The following SLIT3 variants were observed in gnomAD, a reference collection of about 807,000 sequenced individuals.
The protein encoded by SLIT3 is slit guidance ligand 3.
SLIT3 carries 68 observed loss-of-function variants against 184.0 expected under a neutral mutation model. The observed-to-expected ratio is 0.37, with a 90% CI of 0.30 to 0.45. The LOEUF is 0.45. Ranked by LOEUF, SLIT3 falls within the 20% of genes least tolerant of loss-of-function variation. The probability of loss-of-function intolerance (pLI) is 1.00; values close to 1 mark genes in which losing one functional copy is unlikely to be tolerated. For missense variants in SLIT3, 1,707 were observed against 2,026.0 expected, an observed-to-expected ratio of 0.84 and a Z score of 3.02; for synonymous variants, 831 against 828.6, an observed-to-expected ratio of 1.00 and a Z score of -0.05.
At position 169,001,246 on chromosome 5, in the gene SLIT3, C is replaced by T. The variant is rs374474816; in HGVS notation, c.414-117910G>A. Among the ~76,000 whole-genome samples the T allele has an allele frequency of 8.5e-5, 13 of 152,242 alleles. No homozygotes were observed. The East Asian group carries it at 1.5e-3, about 18-fold the overall frequency. On this transcript the variant is annotated intron_variant, in intron 4 of 35. Transcript: ENST00000519560. ...TCACTTCCAGCTCATCGCCACTGTC[C>T]GTATTTTGAACCTGTCTTGTCTGCC...
chr5:169,293,386 G>C (rs1767412609), intron 1 of SLIT3, among the ~76,000 whole-genome samples: 1 of 152,014 alleles, frequency 6.6e-6, no homozygotes, highest in Non-Finnish European at 1.5e-5. Context: ...CATGCTGATG[G>C]AAGACCAACC....
At chr5:169,241,312 C>T (rs537680346) in intron 3 of SLIT3, among the ~76,000 whole-genome samples, 1 of 152,290 alleles carries the variant, frequency 6.6e-6, no homozygotes, top group African/African-American at 2.4e-5. Context: ...ATTCTAACTT[C>T]ACAGTATTCT....
At chr5:169,010,220 A>G (rs947659156) in intron 4 of SLIT3, among the ~76,000 whole-genome samples, 20 of 152,224 alleles carry the variant, frequency 1.3e-4, no homozygotes, top group African/African-American at 4.6e-4. Flanking sequence ...GCAACTTCTC[A>G]GGTACCCAGT....
intron 4 of SLIT3, among the ~76,000 whole-genome samples, chr5:168,993,686 A>C (rs532622029): frequency 6.6e-6 from 1 of 151,564 alleles, no homozygotes; most frequent in South Asian, 2.1e-4. Flanking sequence ...AAAAAAAAAA[A>C]CTCCTGACTA....
chr5:168,964,910 G>A (rs1275245310), intron 4 of SLIT3, among the ~76,000 whole-genome samples: 1 of 152,214 alleles, frequency 6.6e-6, no homozygotes, highest in African/African-American at 2.4e-5. Flanking sequence ...CTAAAAGATA[G>A]TAGGTATGGT....
At chr5:168,713,941 C>T (rs1269334036) in intron 23 of SLIT3, among the ~76,000 whole-genome samples, 1 of 152,182 alleles carries the variant, frequency 6.6e-6, no homozygotes, top group African/African-American at 2.4e-5. Flanking sequence ...GCCCTTATTT[C>T]TCTCCTCTTC....
chr5:169,152,067 G>T (rs4867726), intron 4 of SLIT3, among the ~76,000 whole-genome samples: 31,212 of 152,104 alleles, frequency 0.21, 3,669 homozygotes, highest in South Asian at 0.32. Context: ...TTGTTATTAT[G>T]GCTGAAAGGT....
At position 168,813,217 on chromosome 5, in the gene SLIT3, T is replaced by A. The variant is rs117424446; in HGVS notation, c.793+4083A>T. Among the ~76,000 whole-genome samples, 5 of 151,894 alleles carry A rather than the reference T, an allele frequency of 3.3e-5. No homozygotes were observed. In the East Asian group the frequency reaches 9.7e-4, roughly 29 times the overall value. Reference sequence around the variant, plus strand: ...ATAACCTTGAATTACAAATTGCGACTGGTAGAAACCCTTCCAGATTAAGGT... The same window carrying A: ...ATAACCTTGAATTACAAATTGCGACAGGTAGAAACCCTTCCAGATTAAGGT... On this transcript the variant is annotated intron_variant, in intron 8 of 35. Transcript: ENST00000519560.
At chr5:169,089,359 A>C (rs1281753559) in intron 4 of SLIT3, among the ~76,000 whole-genome samples, 1 of 152,116 alleles carries the variant, frequency 6.6e-6, no homozygotes, top group Non-Finnish European at 1.5e-5. Context: ...CTTCTACTTC[A>C]CCACGTGCTA....
chr5:169,041,886 A>T (rs1378927178), intron 4 of SLIT3, among the ~76,000 whole-genome samples: 1 of 152,244 alleles, frequency 6.6e-6, no homozygotes, highest in Non-Finnish European at 1.5e-5. Flanking sequence ...AGTTCCTCTT[A>T]GGAACCCAAG....
intron 4 of SLIT3, among the ~76,000 whole-genome samples, chr5:168,974,517 C>T (rs1198966992): frequency 1.3e-5 from 2 of 152,168 alleles, no homozygotes; most frequent in African/African-American, 2.4e-5. Context: ...TTTGACTGCA[C>T]AGATTTTCAT....
chr5:168,768,891 G>C (rs75915349), intron 14 of SLIT3, among the ~76,000 whole-genome samples: 1 of 152,188 alleles, frequency 6.6e-6, no homozygotes, highest in Non-Finnish European at 1.5e-5. Flanking sequence ...AGGAGCAGTG[G>C]GGTGTCAAAA....
chr5:169,193,983 C>T (rs555527361), intron 3 of SLIT3, among the ~76,000 whole-genome samples: 11 of 152,092 alleles, frequency 7.2e-5, no homozygotes, highest in African/African-American at 2.2e-4. Flanking sequence ...CCTGTAATCC[C>T]AGTACTTTGA....
intron 4 of SLIT3, among the ~76,000 whole-genome samples, chr5:169,129,292 C>T (rs1175210916): frequency 6.6e-6 from 1 of 152,158 alleles, no homozygotes; most frequent in Non-Finnish European, 1.5e-5. Flanking sequence ...TGGCTCATGC[C>T]TGTAATCCCA....
chr5:169,005,693 G>T (rs1400967123), intron 4 of SLIT3, among the ~76,000 whole-genome samples: 1 of 152,092 alleles, frequency 6.6e-6, no homozygotes, highest in Non-Finnish European at 1.5e-5. Flanking sequence ...TCATTCATTC[G>T]ACAAATATTT....
intron 5 of SLIT3, among the ~76,000 whole-genome samples, chr5:168,874,726 G>T (rs578203664): frequency 6.6e-6 from 1 of 152,326 alleles, no homozygotes; most frequent in South Asian, 2.1e-4. Flanking sequence ...CTTGCTTTTA[G>T]ATAATACTGT....
chr5:169,199,453 G>A (rs149887178), intron 3 of SLIT3, among the ~76,000 whole-genome samples: 19 of 152,242 alleles, frequency 1.2e-4, no homozygotes, highest in African/African-American at 4.6e-4. Flanking sequence ...AACACTGTGC[G>A]GAAGGTGGTG....
chr5:169,134,687 C>T (rs1266334261), intron 4 of SLIT3, among the ~76,000 whole-genome samples: 2 of 152,160 alleles, frequency 1.3e-5, no homozygotes, highest in Admixed American at 6.5e-5. Flanking sequence ...CAACATGGCA[C>T]ATGTATACCC....
Position 169,258,171 on chromosome 5 carries a change from C to T in SLIT3, c.198-6712G>A, listed in dbSNP as rs556611036. 3.4e-4 allele frequency among the ~76,000 whole-genome samples: 51 copies of T among 152,238 alleles called. No homozygotes were observed. The South Asian group carries it at 6.0e-3, about 18-fold the overall frequency. On this transcript the variant is annotated intron_variant, in intron 1 of 35. Transcript: ENST00000519560. ...TCACATACCAGGGAAGTGGGTAATGCTGAGATTTGAACCTGGGCTCTCTGA... is the reference window on the plus strand; with the variant it reads ...TCACATACCAGGGAAGTGGGTAATGTTGAGATTTGAACCTGGGCTCTCTGA...
Sources: allele counts gnomAD v4.1 joint callset (sites outside exome capture counted in the v4.1 genomes callset), GRCh38; gene constraint gnomAD v4.1.1; transcripts MANE v1.5; gene names NCBI Gene and HGNC (gene_info 2026-07-23, HGNC 2026-07-21).